The following GLRA3 variants were observed in gnomAD, a reference collection of about 807,000 sequenced individuals.
GLRA3 encodes the protein glycine receptor subunit alpha-3.
GLRA3 carries 44 observed loss-of-function variants against 60.4 expected under a neutral mutation model. The ratio of observed to expected loss-of-function variants is 0.73; its 90% confidence interval spans 0.57 to 0.94. The LOEUF is 0.94. Ranked by LOEUF, GLRA3 falls within the 40% of genes least tolerant of loss-of-function variation. The probability of loss-of-function intolerance (pLI) is 0.00; values close to 1 mark genes in which losing one functional copy is unlikely to be tolerated. For missense variants in GLRA3, 508 were observed against 564.6 expected (o/e 0.90, Z 1.02); for synonymous variants, 223 against 192.9 (o/e 1.16, Z -1.29).
intron 7 of GLRA3, among the ~76,000 whole-genome samples, chr4:174,672,724 A>T (rs1733956399): frequency 6.6e-6 from 1 of 152,170 alleles, no homozygotes; most frequent in Non-Finnish European, 1.5e-5. Flanking sequence ...AGCAAGAAGA[A>T]ATGTTGTAAA....
chr4:174,760,121 T>C (rs539063126), intron 3 of GLRA3, among the ~76,000 whole-genome samples: 1 of 152,276 alleles, frequency 6.6e-6, no homozygotes, highest in East Asian at 1.9e-4. Context: ...TATGTGTTAA[T>C]TGTGTGTGTA....
chr4:174,823,545 T>C (rs939416327), intron 1 of GLRA3, among the ~76,000 whole-genome samples: 1 of 151,956 alleles, frequency 6.6e-6, no homozygotes, highest in Non-Finnish European at 1.5e-5. Context: ...AAAAAAAGAA[T>C]TTATTTTCTA....
chr4:174,798,479 G>T (rs1464316240), intron 1 of GLRA3, among the ~76,000 whole-genome samples: 1 of 152,142 alleles, frequency 6.6e-6, no homozygotes, highest in Non-Finnish European at 1.5e-5. Context: ...TTGGTCATCT[G>T]GGAATATGTG....
At chr4:174,765,777 C>T (rs1297822535) in intron 3 of GLRA3, among the ~76,000 whole-genome samples, 3 of 151,972 alleles carry the variant, frequency 2.0e-5, no homozygotes, top group Non-Finnish European at 4.4e-5. Flanking sequence ...TACACACATT[C>T]ATGTTAACTT....
intron 1 of GLRA3, among the ~76,000 whole-genome samples, chr4:174,798,907 G>T (rs1020241135): frequency 5.9e-5 from 9 of 151,898 alleles, no homozygotes; most frequent in African/African-American, 1.9e-4. Flanking sequence ...GGCGACAGAG[G>T]GAGACTCTGC....
intron 2 of GLRA3, among the ~76,000 whole-genome samples, chr4:174,767,984 C>A (rs188892595): frequency 6.6e-6 from 1 of 152,126 alleles, no homozygotes; most frequent in African/African-American, 2.4e-5. Flanking sequence ...CAATGTTAAA[C>A]AATCTTCTAA....
At chr4:174,697,710 G>A (rs1735116393) in intron 5 of GLRA3, among the ~76,000 whole-genome samples, 1 of 152,148 alleles carries the variant, frequency 6.6e-6, no homozygotes, top group Non-Finnish European at 1.5e-5. Flanking sequence ...TGGGAAAAGT[G>A]TGGATATATA....
chr4:174,765,074 A>G (rs6841074), intron 3 of GLRA3, among the ~76,000 whole-genome samples: 114,307 of 151,884 alleles, frequency 0.75, 43,310 homozygotes, highest in East Asian at 1. Flanking sequence ...ATAATGATGG[A>G]GTATGTAGGT....
At chr4:174,726,598 C>T (rs1045230272) in intron 4 of GLRA3, among the ~76,000 whole-genome samples, 4 of 152,144 alleles carry the variant, frequency 2.6e-5, no homozygotes, top group Non-Finnish European at 5.9e-5. Context: ...CCAGTTTCTT[C>T]ATCTTCAAGT....
intron 5 of GLRA3, among the ~76,000 whole-genome samples, chr4:174,703,960 G>GAT (rs1252051485): frequency 6.6e-6 from 1 of 151,948 alleles, no homozygotes; most frequent in Non-Finnish European, 1.5e-5. Context: ...GAATTGAAGG[G>GAT]ATATGAGGGT....
chr4:174,740,517 G>T (rs1351524200), intron 3 of GLRA3, among the ~76,000 whole-genome samples: 2 of 152,164 alleles, frequency 1.3e-5, no homozygotes, highest in Non-Finnish European at 2.9e-5. Context: ...GACAAGAGGA[G>T]CAGAAAAGTT....
chr4:174,828,634 A>G, intron 1 of GLRA3, 107 bp downstream of exon 1: 1 of 712,826 alleles, frequency 1.4e-6, no homozygotes, highest in East Asian at 2.5e-5. Flanking sequence ...TTGTTTCAAC[A>G]AGTCAATATA....
At chr4:174,815,625 G>T (rs754716180) in intron 1 of GLRA3, among the ~76,000 whole-genome samples, 19 of 152,182 alleles carry the variant, frequency 1.2e-4, no homozygotes, top group Non-Finnish European at 2.8e-4. Context: ...CCACATGGAA[G>T]TTGCCAAGGC....
intron 9 of GLRA3, among the ~76,000 whole-genome samples, chr4:174,651,871 T>G (rs1733031883): frequency 6.6e-6 from 1 of 152,064 alleles, no homozygotes; most frequent in African/African-American, 2.4e-5. Context: ...AGATGAGGCA[T>G]GTGGAGTCAT....
chr4:174,764,566 AAG>A (rs1554019355), intron 3 of GLRA3, among the ~76,000 whole-genome samples: 1 of 151,902 alleles, frequency 6.6e-6, no homozygotes, highest in Non-Finnish European at 1.5e-5. Flanking sequence ...CAAAAAAAAA[AAG>A]AACAGAAGTA....
At chr4:174,735,898 G>A (rs34891959) in intron 3 of GLRA3, among the ~76,000 whole-genome samples, 285 of 152,104 alleles carry the variant, frequency 1.9e-3, no homozygotes, top group Non-Finnish European at 3.2e-3. Context: ...ATTATTTTTG[G>A]ACCTTCACTA....
chr4:174,824,469 C>A (rs974429065), intron 1 of GLRA3, among the ~76,000 whole-genome samples: 3 of 152,100 alleles, frequency 2.0e-5, no homozygotes, highest in African/African-American at 7.2e-5. Context: ...TAAATTACTT[C>A]TTTCTAAATT....
intron 3 of GLRA3, among the ~76,000 whole-genome samples, chr4:174,758,385 C>G (rs910053730): frequency 1.3e-5 from 2 of 152,026 alleles, no homozygotes; most frequent in Non-Finnish European, 2.9e-5. Context: ...TGTGGGCTTC[C>G]TTCCAAAAAT....
chr4:174,638,637 T>C lies in GLRA3; in HGVS notation c.*5149A>G, dbSNP rs533552968. On this transcript the variant is annotated 3_prime_UTR_variant, in exon 10 of 10. Coordinates refer to ENST00000274093, the MANE Select transcript of GLRA3 (RefSeq NM_006529.4). ...AATATAAATGAGAGACAACTAAAATTAGTTGCTTGAAGAAAGAAAAAATGA... is the reference window on the plus strand; with the variant it reads ...AATATAAATGAGAGACAACTAAAATCAGTTGCTTGAAGAAAGAAAAAATGA... The C allele has an allele frequency of 2.0e-5, 3 of 152,230 alleles. No individual in the cohort carries two copies. Among genetic ancestry groups the C allele is most frequent in the African/African-American group, 7.2e-5 (3 of 41,542 alleles). The allele number at this position is 152,230 out of a possible 1,614,324, so 9.4% of individuals were successfully genotyped here.
Sources: allele counts gnomAD v4.1 joint callset (sites outside exome capture counted in the v4.1 genomes callset), GRCh38; gene constraint gnomAD v4.1.1; transcripts MANE v1.5; gene names NCBI Gene and HGNC (gene_info 2026-07-23, HGNC 2026-07-21).